The following C1orf105 variants were observed in gnomAD, a reference collection of about 807,000 sequenced individuals.
C1orf105 encodes the protein uncharacterized protein C1orf105.
A neutral mutation model predicts 20.8 loss-of-function variants in C1orf105; 17 were observed. The observed-to-expected ratio is 0.82, with a 90% CI of 0.56 to 1.23. The LOEUF is 1.23. Among genes scored for constraint, C1orf105 ranks in the 50% most tolerant of loss-of-function variants. The pLI is 0.00. For missense variants in C1orf105, 219 were observed against 213.5 expected (o/e 1.03, Z -0.16); for synonymous variants, 72 against 72.1 (o/e 1.00, Z 0.01).
chr1:172,459,262 T>C (rs1649524262), intron 4 of C1orf105, among the ~76,000 whole-genome samples: 1 of 152,054 alleles, frequency 6.6e-6, no homozygotes, highest in South Asian at 2.1e-4. Flanking sequence ...ACAACCCAAA[T>C]ATTTGCAAAT....
At chr1:172,454,589 C>G (rs1005654172) in intron 3 of C1orf105, among the ~76,000 whole-genome samples, 6 of 152,144 alleles carry the variant, frequency 3.9e-5, no homozygotes, top group Admixed American at 3.9e-4. Flanking sequence ...CCTACATTCA[C>G]TTACCCGAAG....
intron 1 of C1orf105, chr1:172,441,352 TACACACACACACAC>T (rs55669322): frequency 0.35 from 54,809 of 156,794 alleles, 11,317 homozygotes; most frequent in East Asian, 0.62. Flanking sequence ...GAAGTGACTT[TACACACACACACAC>T]ACACACACAC....
In C1orf105 at chr1:172,442,712, C is replaced by A; in HGVS notation, c.22-2361C>A. The A allele has an allele frequency of 3.6e-6, 4 of 1,121,828 alleles. No homozygotes were observed. The South Asian group carries it at 5.9e-5, about 17-fold the overall frequency. The allele number at this position is 1,121,828 out of a possible 1,614,324, so 69.5% of individuals were successfully genotyped here. A position where few individuals can be genotyped will look rare whatever the true frequency, so the allele number is the denominator to read the frequency against. On this transcript the variant is annotated intron_variant, in intron 1 of 6. Coordinates refer to ENST00000367727, the MANE Select transcript of C1orf105 (RefSeq NM_139240.4). ...TTCTTTATGAAGTTTTGAAATGAGA[C>A]CTCCCTGGAAATTCCATGCTGTGTT...
At chr1:172,441,542 C>T in intron 1 of C1orf105, 1 of 463,794 alleles carries the variant, frequency 2.2e-6, no homozygotes, top group Non-Finnish European at 3.7e-6. Flanking sequence ...GTTTTTTCAT[C>T]TACAAAATAA....
intron 3 of C1orf105, chr1:172,452,859 A>C (rs1648803440): frequency 6.9e-7 from 1 of 1,439,850 alleles, no homozygotes; most frequent in Non-Finnish European, 9.1e-7. Context: ...CTGGCTCTAG[A>C]CCTGATAAAA....
intron 2 of C1orf105, among the ~76,000 whole-genome samples, chr1:172,446,304 A>G (rs1450809598): frequency 1.3e-5 from 2 of 152,240 alleles, no homozygotes; most frequent in African/African-American, 4.8e-5. Context: ...CACTGCATGG[A>G]TCAGCACGAG....
At chr1:172,461,472 A>G (rs1649690292) in intron 4 of C1orf105, among the ~76,000 whole-genome samples, 1 of 152,234 alleles carries the variant, frequency 6.6e-6, no homozygotes, top group African/African-American at 2.4e-5. Context: ...AATAACGGAA[A>G]AATGCTTCCT....
At chr1:172,459,444 T>G (rs1304406649) in intron 4 of C1orf105, among the ~76,000 whole-genome samples, 5 of 152,136 alleles carry the variant, frequency 3.3e-5, no homozygotes, top group Non-Finnish European at 5.9e-5. Context: ...GAAAAGATAC[T>G]CAACATTATT....
Position 172,448,527 on chromosome 1 carries a change from C to T in C1orf105, c.194C>T (p.Ser65Phe), listed in dbSNP as rs1220882896. Reference protein sequence around the residue: ...PILFQVPDVLSKARRNQCDSM... With the variant: ...PILFQVPDVLFKARRNQCDSM... ...TTGTTTCAAGTTCCAGATGTTTTAT[C>T]TAAGGTACTAAAAAATTTTTGTTGA... The change falls in exon 3 of 7, where the codon TCT (serine) becomes TTT (phenylalanine). Residue 65 changes from serine (S) to phenylalanine (F), a missense_variant. By Grantham distance (155) the Ser-to-Phe change is radical. Coordinates refer to ENST00000367727, the MANE Select transcript of C1orf105 (RefSeq NM_139240.4). The T allele has an allele frequency of 6.3e-7, 1 of 1,597,280 alleles. No homozygotes were observed. Among genetic ancestry groups the T allele is most frequent in the Non-Finnish European group, 8.6e-7 (1 of 1,165,624 alleles).
chr1:172,463,950 A>G (rs934425086), intron 5 of C1orf105, among the ~76,000 whole-genome samples: 1 of 152,154 alleles, frequency 6.6e-6, no homozygotes, highest in African/African-American at 2.4e-5. Flanking sequence ...GCCTGGTTCT[A>G]CCTCTAACTT....
At chr1:172,440,944 T>C (rs1362708962) in intron 1 of C1orf105, among the ~76,000 whole-genome samples, 2 of 152,218 alleles carry the variant, frequency 1.3e-5, no homozygotes, top group Non-Finnish European at 2.9e-5. Context: ...TTGCCATCAG[T>C]CACACAAAGT....
chr1:172,429,740 G>C (rs888343995), intron 1 of C1orf105, among the ~76,000 whole-genome samples: 1 of 152,122 alleles, frequency 6.6e-6, no homozygotes, highest in South Asian at 2.1e-4. Flanking sequence ...TCTCCACACA[G>C]AACACCAGGC....
intron 1 of C1orf105, among the ~76,000 whole-genome samples, chr1:172,421,120 C>T (rs529131432): frequency 2.6e-5 from 4 of 152,226 alleles, no homozygotes; most frequent in Middle Eastern, 3.4e-3. Context: ...TTTCAATGCT[C>T]TTTATCGTAT....
At chr1:172,441,352 TACACACACACACACAC>T (rs55669322) in intron 1 of C1orf105, 495 of 156,638 alleles carry the variant, frequency 3.2e-3, no homozygotes, top group East Asian at 6.9e-3. Flanking sequence ...GAAGTGACTT[TACACACACACACACAC>T]ACACACACAC....
chr1:172,463,540 A>T (rs754866634), intron 5 of C1orf105, among the ~76,000 whole-genome samples: 4 of 152,142 alleles, frequency 2.6e-5, no homozygotes, highest in Non-Finnish European at 5.9e-5. Flanking sequence ...ACCTGTACTG[A>T]CTCTACATTT....
intron 1 of C1orf105, chr1:172,428,970 C>T (rs1424466732): frequency 3.6e-6 from 2 of 552,738 alleles, no homozygotes; most frequent in African/African-American, 2.0e-5. Flanking sequence ...CTGTTGGATA[C>T]TGGGGGAAGA....
At chr1:172,465,708 G>T (rs1329177957) in intron 6 of C1orf105, 1 of 473,560 alleles carries the variant, frequency 2.1e-6, no homozygotes, top group Admixed American at 2.3e-5. Context: ...ATCAAAATGG[G>T]AAGGGAACTG....
chr1:172,452,681 G>A (rs754379256), intron 3 of C1orf105: 1 of 658,894 alleles, frequency 1.5e-6, no homozygotes, highest in Non-Finnish European at 1.9e-6. Flanking sequence ...GTATGAGGAT[G>A]TTTCCAATTG....
At chr1:172,448,585 G>T in intron 3 of C1orf105, 54 bp downstream of exon 3, 1 of 988,626 alleles carries the variant, frequency 1.0e-6, no homozygotes. Context: ...GAATGACATA[G>T]AATATGAATA....
Sources: gnomAD v4.1 joint callset for allele counts (sites outside exome capture counted in the v4.1 genomes callset) on GRCh38, gnomAD v4.1.1 for gene constraint, MANE v1.5 for transcripts, NCBI Gene and HGNC (gene_info 2026-07-23, HGNC 2026-07-21) for gene names.